Variants in CA8 observed in about 807,000 individuals in gnomAD.
CA8 encodes carbonic anhydrase 8 (inactive), also known as carbonic anhydrase-related protein.
In CA8, 22 loss-of-function variants were observed where a neutral mutation model predicts 41.4. The observed-to-expected ratio is 0.53, with a 90% confidence interval of 0.38 to 0.76. The LOEUF is 0.76. CA8 is among the 30% of genes least tolerant of loss of function. CA8 has a pLI of 0.00. For synonymous variants in CA8, 121 were observed against 130.6 expected (o/e 0.93, Z 0.50); for missense variants, 270 against 352.8 (o/e 0.77, Z 1.88).
rs1391550544 is a variant in CA8 at position 60,232,375 on chromosome 8, T to C, written c.422A>G (p.His141Arg). 1.2e-6 allele frequency: 2 copies of C among 1,610,558 alleles called. No individual in the cohort carries two copies. The highest frequency in any genetic ancestry group is 1.7e-5 in the Admixed American group (1 of 60,016). ...VNFKAFPMEL[H>R]LIHWNSTLFG... ...CAGAGTGGAGTTCCAGTGGATCAGA[T>C]GGAGCTGAGTGAGTGGCAACAGACA... is the stretch of plus-strand genomic sequence containing the variant. The change falls in exon 4 of 9, where the codon CAT becomes CGT. Residue 141 changes from histidine (H) to arginine (R), a missense_variant. Physicochemically the swap from His to Arg is conservative, Grantham distance 29. This residue lies in a region of CA8 where 141 missense variants were observed against 191.6 expected (regional missense o/e 0.74). Coordinates refer to ENST00000317995, the MANE Select transcript of CA8 (RefSeq NM_004056.6).
chr8:60,273,085 G>A (rs1804121143), intron 2 of CA8, among the ~76,000 whole-genome samples: 1 of 152,082 alleles, frequency 6.6e-6, no homozygotes, highest in Admixed American at 6.5e-5. Context: ...ATATCTGCCT[G>A]GGTCTAAAAG....
At chr8:60,214,025 G>A (rs543294987) in intron 7 of CA8, among the ~76,000 whole-genome samples, 2 of 152,324 alleles carry the variant, frequency 1.3e-5, no homozygotes, top group Non-Finnish European at 2.9e-5. Flanking sequence ...CAACACAGGG[G>A]TGGAACGCAG....
chr8:60,242,820 T>C, intron 3 of CA8, among the ~76,000 whole-genome samples: 1 of 152,238 alleles, frequency 6.6e-6, no homozygotes, highest in East Asian at 1.9e-4. Context: ...GGAGGTTCTC[T>C]GGCGACAGAA....
chr8:60,194,906 T>C (rs1231301687), intron 8 of CA8, among the ~76,000 whole-genome samples: 1 of 152,208 alleles, frequency 6.6e-6, no homozygotes, highest in South Asian at 2.1e-4. Context: ...GGAAACAAAA[T>C]TAGTTGCCTA....
At chr8:60,257,723 T>TTTC (rs1808690474) in intron 3 of CA8, among the ~76,000 whole-genome samples, 1 of 152,244 alleles carries the variant, frequency 6.6e-6, no homozygotes, top group African/African-American at 2.4e-5. Context: ...TAGTCTAGCC[T>TTTC]ACAGTGACCC....
rs4570139 is a variant in CA8, at chr8:60,186,252, A to G, written c.*3769T>C. Among the ~76,000 whole-genome samples the G allele has an allele frequency of 0.077, 11,724 of 152,022 alleles. 929 individuals are homozygous for G. The highest frequency in any genetic ancestry group is 0.2 in the African/African-American group (8,159 of 41,466). ...TATAGATGTAATATGTATAACAATA[A>G]TAGCACAAAAAGGGAGAAGAGAGTT... On this transcript the variant is annotated 3_prime_UTR_variant, in exon 9 of 9. Transcript: ENST00000317995.
chr8:60,266,487 T>A (rs951021177), intron 2 of CA8, among the ~76,000 whole-genome samples: 1 of 152,196 alleles, frequency 6.6e-6, no homozygotes, highest in Non-Finnish European at 1.5e-5. Flanking sequence ...CTAGAAGGCT[T>A]CCAATTTAGC....
intron 3 of CA8, chr8:60,265,666 G>GT: frequency 2.3e-6 from 1 of 440,656 alleles, no homozygotes; most frequent in East Asian, 4.5e-5. Flanking sequence ...TACAAGAATA[G>GT]TAACACTAGG....
At chr8:60,203,266 T>C (rs1056868678) in intron 8 of CA8, among the ~76,000 whole-genome samples, 3 of 151,634 alleles carry the variant, frequency 2.0e-5, no homozygotes. Context: ...AGATTGGAGA[T>C]AAAAAAAAGA....
At chr8:60,268,402 A>T (rs938770579) in intron 2 of CA8, among the ~76,000 whole-genome samples, 1 of 152,210 alleles carries the variant, frequency 6.6e-6, no homozygotes, top group African/African-American at 2.4e-5. Context: ...GTACTGTCAT[A>T]TGGAAATGAA....
chr8:60,220,354 A>G (rs1395984745), intron 7 of CA8, among the ~76,000 whole-genome samples: 1 of 152,148 alleles, frequency 6.6e-6, no homozygotes, highest in Non-Finnish European at 1.5e-5. Flanking sequence ...TCAAGCAGTG[A>G]GCATACCTAG....
chr8:60,208,665 T>G, intron 8 of CA8, 85 bp downstream of exon 8: 1 of 1,176,456 alleles, frequency 8.5e-7, no homozygotes, highest in South Asian at 1.2e-5. Flanking sequence ...TATTACTAAA[T>G]TACCAGGATC....
intron 6 of CA8, among the ~76,000 whole-genome samples, chr8:60,224,104 CAG>C (rs1240605662): frequency 6.6e-6 from 1 of 152,298 alleles, no homozygotes; most frequent in Admixed American, 6.5e-5. Flanking sequence ...TTGTTTGAGA[CAG>C]AGTTTCACTT....
chr8:60,237,248 G>C (rs1280214846), intron 3 of CA8, among the ~76,000 whole-genome samples: 1 of 152,206 alleles, frequency 6.6e-6, no homozygotes, highest in East Asian at 1.9e-4. Context: ...ACAGGAGACT[G>C]TATCTTAAAA....
In CA8 at chr8:60,220,005, C is replaced by T. The variant is rs552990994; in HGVS notation, c.738+2644G>A. Among the ~76,000 whole-genome samples, 532 of 147,796 alleles carry T rather than the reference C, an allele frequency of 3.6e-3. 2 individuals carry two copies. Among genetic ancestry groups the T allele is most frequent in the African/African-American group, 0.012 (482 of 39,920 alleles). On this transcript the variant is annotated intron_variant, in intron 7 of 8. Coordinates refer to ENST00000317995, the MANE Select transcript of CA8 (RefSeq NM_004056.6). ...CCTAAAACCCTCCTTGCCTTTCCCA[C>T]AAAACTTCTAGAAAGATGGTCTATA...
At chr8:60,259,558 G>T (rs893747204) in intron 3 of CA8, among the ~76,000 whole-genome samples, 2 of 152,054 alleles carry the variant, frequency 1.3e-5, no homozygotes, top group Non-Finnish European at 2.9e-5. Context: ...CTTCTGAGAG[G>T]GAATACAGCT....
At position 60,188,689 on chromosome 8, in the gene CA8, C is replaced by A. The variant is rs1265318412; in HGVS notation, c.*1332G>T. The A allele has an allele frequency of 6.6e-6, 1 of 152,202 alleles. No individual in the cohort carries two copies. Among genetic ancestry groups the A allele is most frequent in the African/African-American group, 2.4e-5 (1 of 41,434 alleles). The allele number at this position is 152,202 out of a possible 1,614,324, so 9.4% of individuals were successfully genotyped here. On this transcript the variant is annotated 3_prime_UTR_variant, in exon 9 of 9. Coordinates refer to ENST00000317995, the MANE Select transcript of CA8 (RefSeq NM_004056.6). The stretch of plus-strand genomic sequence containing the variant: ...ATCCAGGGCTACCAACAGATCTCAA[C>A]CCTTAGCAAGCCTCAACTTTTCCAC...
At chr8:60,239,627 G>C (rs1035216181) in intron 3 of CA8, among the ~76,000 whole-genome samples, 1 of 152,218 alleles carries the variant, frequency 6.6e-6, no homozygotes, top group South Asian at 2.1e-4. Context: ...AGAGAAATGT[G>C]ACCTTGTAGA....
At chr8:60,240,607 T>C (rs771097020) in intron 3 of CA8, among the ~76,000 whole-genome samples, 3 of 152,230 alleles carry the variant, frequency 2.0e-5, no homozygotes, top group African/African-American at 2.4e-5. Flanking sequence ...ACCCAATGTA[T>C]AGTCATTAAG....
Sources: allele counts gnomAD v4.1 joint callset (sites outside exome capture counted in the v4.1 genomes callset), GRCh38; gene constraint gnomAD v4.1.1; regional missense constraint gnomAD v4.1.1; transcripts MANE v1.5; gene names NCBI Gene and HGNC (gene_info 2026-07-23, HGNC 2026-07-21).